RSBN1L: variants seen among roughly 807,000 people sequenced by gnomAD.
RSBN1L encodes round spermatid basic protein 1 like, also known as lysine-specific demethylase RSBN1L.
RSBN1L carries 30 observed loss-of-function variants against 67.7 expected under a neutral mutation model. That is an observed-to-expected ratio of 0.44 (90% CI 0.33 to 0.60). RSBN1L has a LOEUF of 0.60. Ranked by LOEUF, RSBN1L falls within the 20% of genes least tolerant of loss-of-function variation. RSBN1L has a pLI of 0.02. For missense variants in RSBN1L, 992 were observed against 1,031.7 expected, an observed-to-expected ratio of 0.96 and a Z score of 0.53; for synonymous variants, 433 against 387.0, an observed-to-expected ratio of 1.12 and a Z score of -1.39.
At chr7:77,761,680 G>C (rs932655963) in intron 3 of RSBN1L, among the ~76,000 whole-genome samples, 1 of 152,044 alleles carries the variant, frequency 6.6e-6, no homozygotes, top group Non-Finnish European at 1.5e-5. Context: ...TTTTTAAATT[G>C]GAAACATTGT....
At chr7:77,740,815 A>G (rs1453979358) in intron 2 of RSBN1L, among the ~76,000 whole-genome samples, 1 of 151,616 alleles carries the variant, frequency 6.6e-6, no homozygotes, top group African/African-American at 2.4e-5. Flanking sequence ...CTCTGGCTCT[A>G]AGTATACCTG....
At chr7:77,754,283 A>G (rs142295090) in intron 3 of RSBN1L, among the ~76,000 whole-genome samples, 8 of 152,274 alleles carry the variant, frequency 5.3e-5, no homozygotes, top group African/African-American at 1.9e-4. Flanking sequence ...ATTTCCACAT[A>G]AACTTTCGAA....
At chr7:77,766,613 G>A (rs752914480) in intron 4 of RSBN1L, among the ~76,000 whole-genome samples, 8 of 151,870 alleles carry the variant, frequency 5.3e-5, no homozygotes, top group Non-Finnish European at 8.8e-5. Flanking sequence ...TCTCTGAGCT[G>A]TGTGGTTAGG....
At chr7:77,704,925 T>C (rs956021328) in intron 1 of RSBN1L, among the ~76,000 whole-genome samples, 53 of 151,652 alleles carry the variant, frequency 3.5e-4, no homozygotes, top group Non-Finnish European at 6.6e-4. Context: ...TGAGCCAAGA[T>C]GGCACCATTG....
chr7:77,773,416 A>G (rs975746038), intron 6 of RSBN1L, 102 bp downstream of exon 6: 2 of 776,822 alleles, frequency 2.6e-6, no homozygotes, highest in Non-Finnish European at 3.9e-6. Context: ...AAAAAGTTTC[A>G]TTTTTTACCC....
chr7:77,705,510 GTTTTTTTT>G (rs56187940), intron 1 of RSBN1L, among the ~76,000 whole-genome samples: 2 of 111,510 alleles, frequency 1.8e-5, no homozygotes, highest in Non-Finnish European at 3.4e-5. Flanking sequence ...CATTGTAATG[GTTTTTTTT>G]TTTTTTTTTT....
chr7:77,754,328 A>C (rs1791590467), intron 3 of RSBN1L, among the ~76,000 whole-genome samples: 1 of 152,218 alleles, frequency 6.6e-6, no homozygotes, highest in Non-Finnish European at 1.5e-5. Flanking sequence ...TATCTGCTAG[A>C]ATATTGCTTA....
intron 1 of RSBN1L, among the ~76,000 whole-genome samples, chr7:77,728,766 T>G (rs924076617): frequency 6.6e-6 from 1 of 152,172 alleles, no homozygotes; most frequent in Non-Finnish European, 1.5e-5. Context: ...AAACTTTTAG[T>G]CTTGGGGGAT....
At chr7:77,713,517 C>T (rs541779145) in intron 1 of RSBN1L, among the ~76,000 whole-genome samples, 9 of 151,988 alleles carry the variant, frequency 5.9e-5, no homozygotes, top group African/African-American at 1.4e-4. Context: ...CCACCATGCC[C>T]GGCTAATTTT....
At chr7:77,746,447 A>G (rs762955948) in intron 2 of RSBN1L, among the ~76,000 whole-genome samples, 4 of 152,054 alleles carry the variant, frequency 2.6e-5, no homozygotes, top group Admixed American at 6.6e-5. Context: ...GATTTCAGTT[A>G]CCTCCTACCA....
intron 1 of RSBN1L, 52 bp downstream of exon 1, chr7:77,697,107 C>G: frequency 7.6e-7 from 1 of 1,319,558 alleles, no homozygotes; most frequent in Non-Finnish European, 9.6e-7. Context: ...TCCCCGCCGC[C>G]CCCTGGCGCC....
intron 1 of RSBN1L, among the ~76,000 whole-genome samples, chr7:77,702,276 C>G (rs548753249): frequency 6.9e-4 from 105 of 152,258 alleles, no homozygotes; most frequent in African/African-American, 2.3e-3. Flanking sequence ...AAGTTTAAGC[C>G]TTTAATAAGA....
At chr7:77,768,913 G>A in intron 5 of RSBN1L, 110 bp downstream of exon 5, 1 of 881,900 alleles carries the variant, frequency 1.1e-6, no homozygotes, top group Non-Finnish European at 1.7e-6. Context: ...AGCATAATTG[G>A]AATATAAATT....
intron 1 of RSBN1L, among the ~76,000 whole-genome samples, chr7:77,699,886 T>C (rs1345531088): frequency 6.7e-6 from 1 of 149,746 alleles, no homozygotes; most frequent in African/African-American, 2.5e-5. Context: ...AACCTCCGCC[T>C]CCCGGGTTCA....
intron 1 of RSBN1L, among the ~76,000 whole-genome samples, chr7:77,709,453 C>CAA (rs1790944145): frequency 6.6e-6 from 1 of 152,002 alleles, no homozygotes; most frequent in Non-Finnish European, 1.5e-5. Context: ...CTACGCCTGG[C>CAA]TAATTTTTGT....
At chr7:77,724,515 T>G (rs1791167928) in intron 1 of RSBN1L, among the ~76,000 whole-genome samples, 1 of 151,550 alleles carries the variant, frequency 6.6e-6, no homozygotes, top group Non-Finnish European at 1.5e-5. Context: ...AACCTGTGCC[T>G]CCTGGGTTCA....
At chr7:77,728,251 A>G (rs1176996950) in intron 1 of RSBN1L, among the ~76,000 whole-genome samples, 1 of 152,104 alleles carries the variant, frequency 6.6e-6, no homozygotes, top group Non-Finnish European at 1.5e-5. Context: ...TTTTTTAAAA[A>G]TTTTTGCTTG....
chr7:77,720,901 C>T (rs1031052831), intron 1 of RSBN1L, among the ~76,000 whole-genome samples: 3 of 151,240 alleles, frequency 2.0e-5, no homozygotes, highest in Admixed American at 1.3e-4. Context: ...GAATTACAGG[C>T]GTGGGCGACC....
chr7:77,770,882 G>C (rs1044683080), intron 5 of RSBN1L, among the ~76,000 whole-genome samples: 1 of 152,120 alleles, frequency 6.6e-6, no homozygotes, highest in Non-Finnish European at 1.5e-5. Context: ...ATGTACATTA[G>C]GTTAACGTGG....
Sources: allele counts gnomAD v4.1 joint callset (sites outside exome capture counted in the v4.1 genomes callset), GRCh38; gene constraint gnomAD v4.1.1; transcripts MANE v1.5; gene names NCBI Gene and HGNC (gene_info 2026-07-23, HGNC 2026-07-21).